The following RIC1 variants were observed in gnomAD, a reference collection of about 807,000 sequenced individuals.
RIC1 encodes the protein guanine nucleotide exchange factor subunit RIC1.
Under a neutral mutation model 169.0 loss-of-function variants are expected in RIC1, and 88 were observed. That is an observed-to-expected ratio of 0.52 (90% CI 0.44 to 0.62). The LOEUF is 0.62. RIC1 is among the 20% of genes least tolerant of loss of function. RIC1 has a pLI of 0.00. For missense variants in RIC1, 1,877 were observed against 1,725.5 expected (o/e 1.09, Z -1.56); for synonymous variants, 790 against 601.5 (o/e 1.31, Z -4.59).
At position 5,774,154 on chromosome 9, in the gene RIC1, A is replaced by G; in HGVS notation, c.4180A>G (p.Ser1394Gly). The G allele has an allele frequency of 1.2e-6, 2 of 1,614,106 alleles. No individual in the cohort carries two copies. The highest frequency in any genetic ancestry group is 1.3e-5 in the African/African-American group (1 of 75,046). ...GSIPQGEVGS[S>G]NMVSRKEEDT... ...CATCCCCCAGGGTGAAGTTGGAAGC[A>G]GCAATATGGTCAGCCGGAAAGAGGA... Residue 1394 changes from serine (S) to glycine (G), a missense_variant, in exon 26 of 26, where the codon AGC becomes GGC. Ser to Gly is a moderately conservative substitution (Grantham distance 56). Coordinates refer to ENST00000414202, the MANE Select transcript of RIC1 (RefSeq NM_020829.4).
rs10975278 is a variant in RIC1, at chr9:5,775,486, A to C, written c.*1240A>C. On this transcript the variant is annotated 3_prime_UTR_variant, in exon 26 of 26. Transcript: ENST00000414202. ...ACTGTGCAATTTGAACAAGGAATGC[A>C]ATGTTATTTTTTACAAAAAACAAAC... is the stretch of plus-strand genomic sequence containing the variant. The C allele has an allele frequency of 1.3e-5, 2 of 152,336 alleles. No homozygotes were observed. Among genetic ancestry groups the C allele is most frequent in the East Asian group, 3.9e-4 (2 of 5,190 alleles). The allele number at this position is 152,336 out of a possible 1,614,324, so 9.4% of individuals were successfully genotyped here. A position where few individuals can be genotyped will look rare whatever the true frequency, so the allele number is the denominator to read the frequency against.
intron 6 of RIC1, among the ~76,000 whole-genome samples, chr9:5,724,892 TC>T (rs1563928541): frequency 6.6e-6 from 1 of 152,216 alleles, no homozygotes. Context: ...CAGCCTTGCA[TC>T]CCAGGGATGA....
chr9:5,699,150 A>G (rs1414104858), intron 3 of RIC1, among the ~76,000 whole-genome samples: 1 of 152,244 alleles, frequency 6.6e-6, no homozygotes, highest in African/African-American at 2.4e-5. Flanking sequence ...GAATAATGTC[A>G]TAACATCGAT....
At chr9:5,760,269 T>G (rs1279196838) in intron 17 of RIC1, among the ~76,000 whole-genome samples, 2 of 152,210 alleles carry the variant, frequency 1.3e-5, no homozygotes, top group South Asian at 2.1e-4. Context: ...TTTAGGATTT[T>G]GGGCATACAT....
At chr9:5,641,096 C>CT (rs34921771) in intron 1 of RIC1, among the ~76,000 whole-genome samples, 288 of 138,490 alleles carry the variant, frequency 2.1e-3, no homozygotes, top group Middle Eastern at 7.4e-3. Context: ...AGGTAGTCTT[C>CT]TTTTTTTTTT....
In RIC1 at chr9:5,774,810, C is replaced by T. The variant is rs1885928; in HGVS notation, c.*564C>T. 56,916 of 152,142 alleles carry T rather than the reference C, an allele frequency of 0.37. 10,880 individuals are homozygous for T. Among genetic ancestry groups the T allele is most frequent in the East Asian group, 0.57 (2,968 of 5,170 alleles). The allele number at this position is 152,142 out of a possible 1,614,324, so 9.4% of individuals were successfully genotyped here. ...TTTACTAGCCAGTCAAATCCCAGTC[C>T]AGAATTGATGGAAGCTATTTACCTG... On this transcript the variant is annotated 3_prime_UTR_variant, in exon 26 of 26. Transcript: ENST00000414202.
chr9:5,722,926 A>T (rs978813584), intron 6 of RIC1, among the ~76,000 whole-genome samples: 1 of 152,174 alleles, frequency 6.6e-6, no homozygotes, highest in Non-Finnish European at 1.5e-5. Flanking sequence ...CATGGTGTAT[A>T]TGTGCCACAT....
chr9:5,726,508 A>G (rs868752763), intron 6 of RIC1, among the ~76,000 whole-genome samples: 1 of 152,126 alleles, frequency 6.6e-6, no homozygotes, highest in South Asian at 2.1e-4. Flanking sequence ...ACTTTATCCA[A>G]TTTGCCAGTC....
intron 3 of RIC1, among the ~76,000 whole-genome samples, chr9:5,699,606 A>T (rs1276495715): frequency 6.6e-6 from 1 of 152,178 alleles, no homozygotes; most frequent in Non-Finnish European, 1.5e-5. Flanking sequence ...TGGTAAGGGC[A>T]ACCTAGTGTC....
In RIC1 at chr9:5,641,663, C is replaced by T. The variant is rs1396923211; in HGVS notation, c.144+12210C>T. 1.7e-5 allele frequency among the ~76,000 whole-genome samples: 2 copies of T among 115,230 alleles called. 1 individual carries two copies. The highest frequency in any genetic ancestry group is 3.4e-5 in the Non-Finnish European group (2 of 58,272). 75.6% of individuals were successfully genotyped at this position (115,230 alleles called of 152,430 possible). ...TATTGTCAAGTAGCCTGTCTCCAAG[C>T]CCACTAATTCTTTCTTCTGCTTGAT... is the stretch of plus-strand genomic sequence containing the variant. On this transcript the variant is annotated intron_variant, in intron 1 of 25. Coordinates refer to ENST00000414202, the MANE Select transcript of RIC1 (RefSeq NM_020829.4).
At chr9:5,658,476 T>G (rs1819244618) in intron 2 of RIC1, among the ~76,000 whole-genome samples, 1 of 152,112 alleles carries the variant, frequency 6.6e-6, no homozygotes, top group Non-Finnish European at 1.5e-5. Flanking sequence ...ACTGCTCAGT[T>G]GTAAATTTCA....
chr9:5,774,223 A>G lies in RIC1; in HGVS notation c.4249A>G (p.Thr1417Ala). 6.2e-7 allele frequency: 1 copy of G among 1,611,712 alleles called. No homozygotes were observed. The highest frequency in any genetic ancestry group is 8.5e-7 in the Non-Finnish European group (1 of 1,178,778). ...GGAGGAAGAACCTTTTCAGGATGGG[A>G]CTTACGACTGTTCTGTGTCCTAACA... ...AEEEEPFQDG[T>A]YDCSVS is the part of the protein sequence containing the mutation. The change falls in exon 26 of 26, where the codon ACT becomes GCT. Residue 1417 changes from threonine to alanine, a missense_variant. By Grantham distance (58) the Thr-to-Ala change is moderately conservative (BLOSUM62 0). This residue lies in a region of RIC1 where 681 missense variants were observed against 582.0 expected (regional missense o/e 1.17). Transcript: ENST00000414202.
chr9:5,684,390 T>G (rs1425198801), intron 2 of RIC1, among the ~76,000 whole-genome samples: 1 of 149,962 alleles, frequency 6.7e-6, no homozygotes, highest in Non-Finnish European at 1.5e-5. Flanking sequence ...AGAGTTGCTA[T>G]CTTAGCAATA....
chr9:5,680,189 G>A (rs1386558411), intron 2 of RIC1, among the ~76,000 whole-genome samples: 1 of 152,330 alleles, frequency 6.6e-6, no homozygotes, highest in Middle Eastern at 3.4e-3. Flanking sequence ...CAGGGATGAA[G>A]CCCACTTGAT....
At chr9:5,748,056 TCA>T (rs1825492893) in intron 12 of RIC1, among the ~76,000 whole-genome samples, 1 of 152,226 alleles carries the variant, frequency 6.6e-6, no homozygotes, top group African/African-American at 2.4e-5. Context: ...TAACAGTGTC[TCA>T]CAGTAATTCT....
intron 4 of RIC1, 144 bp downstream of exon 4, chr9:5,714,147 TA>T: frequency 2.1e-6 from 1 of 484,552 alleles, no homozygotes; most frequent in Non-Finnish European, 3.6e-6. Flanking sequence ...TTAACCCTTA[TA>T]AGACAATGGA....
rs529081555 is a variant in RIC1, at chr9:5,681,069, G to A, written c.253-8890G>A. 3.0e-4 allele frequency among the ~76,000 whole-genome samples: 45 copies of A among 151,386 alleles called. No individual in the cohort carries two copies. In the South Asian group the frequency reaches 6.3e-3, roughly 21 times the overall value. On this transcript the variant is annotated intron_variant, in intron 2 of 25. Coordinates refer to ENST00000414202, the MANE Select transcript of RIC1 (RefSeq NM_020829.4). ...TCTCGATCTCCTGACCTCGTGATCCGCCCGCCTCGGCCTCCCAAAGTGCTG... is the reference window on the plus strand; with the variant it reads ...TCTCGATCTCCTGACCTCGTGATCCACCCGCCTCGGCCTCCCAAAGTGCTG...
intron 2 of RIC1, among the ~76,000 whole-genome samples, chr9:5,663,500 G>C (rs909007031): frequency 6.6e-6 from 1 of 152,020 alleles, no homozygotes; most frequent in South Asian, 2.1e-4. Flanking sequence ...TAGGAATCTG[G>C]GTGTTCCTAT....
At chr9:5,687,444 T>G (rs1215185866) in intron 2 of RIC1, among the ~76,000 whole-genome samples, 1 of 152,202 alleles carries the variant, frequency 6.6e-6, no homozygotes, top group Non-Finnish European at 1.5e-5. Context: ...TGTCATTGAT[T>G]TGAGATTTTC....
Sources: allele counts gnomAD v4.1 joint callset (sites outside exome capture counted in the v4.1 genomes callset), GRCh38; gene constraint gnomAD v4.1.1; regional missense constraint gnomAD v4.1.1; transcripts MANE v1.5; gene names NCBI Gene and HGNC (gene_info 2026-07-23, HGNC 2026-07-21).